The following KCNQ3 variants were observed in gnomAD, a reference collection of about 807,000 sequenced individuals.
KCNQ3 encodes the protein potassium voltage-gated channel subfamily KQT member 3.
KCNQ3 carries 30 observed loss-of-function variants against 92.5 expected under a neutral mutation model. The observed-to-expected ratio is 0.32, with a 90% confidence interval of 0.24 to 0.44. The LOEUF (loss-of-function observed/expected upper bound fraction) is 0.44, where lower values mean the gene tolerates loss of function less well. Among genes scored for constraint, KCNQ3 ranks in the 20% least tolerant of loss-of-function variants. The probability of loss-of-function intolerance (pLI) is 1.00; values close to 1 mark genes in which losing one functional copy is unlikely to be tolerated. For missense variants in KCNQ3, 913 were observed against 1,140.3 expected (o/e 0.80, Z 2.87); for synonymous variants, 450 against 468.8 (o/e 0.96, Z 0.52).
chr8:132,128,033 G>GCAT lies in KCNQ3; in HGVS notation c.*1226_*1228dup, dbSNP rs1452155654. 3.3e-5 allele frequency: 5 copies of GCAT among 152,292 alleles called. No homozygotes were observed. The highest frequency in any genetic ancestry group is 4.8e-5 in the African/African-American group (2 of 41,562). 9.4% of individuals were successfully genotyped at this position (152,292 alleles called of 1,614,324 possible). ...TTTTTTTCTAGATCTGAAATGCATT[G>GCAT]CATCAAGCAAGCATGTTTTGCAATA... On this transcript the variant is annotated 3_prime_UTR_variant, in exon 15 of 15. Coordinates refer to ENST00000388996, the MANE Select transcript of KCNQ3 (RefSeq NM_004519.4).
intron 1 of KCNQ3, among the ~76,000 whole-genome samples, chr8:132,339,426 C>G (rs1160217059): frequency 1.3e-5 from 2 of 152,150 alleles, no homozygotes; most frequent in African/African-American, 4.8e-5. Context: ...GAATGCTTTG[C>G]TCTTTACCAC....
chr8:132,307,340 A>G (rs986717328), intron 1 of KCNQ3, among the ~76,000 whole-genome samples: 6 of 152,190 alleles, frequency 3.9e-5, no homozygotes, highest in African/African-American at 1.4e-4. Context: ...TTTGCACTAC[A>G]TACGCCCCTT....
chr8:132,134,494 TAA>T, intron 12 of KCNQ3, 106 bp from the exon 13 acceptor site: 2 of 831,118 alleles, frequency 2.4e-6, no homozygotes, highest in South Asian at 2.9e-5. Context: ...TTGGAATATA[TAA>T]GAGGAGAGGA....
chr8:132,422,379 A>G (rs73708461), intron 1 of KCNQ3, among the ~76,000 whole-genome samples: 2 of 152,050 alleles, frequency 1.3e-5, no homozygotes, highest in African/African-American at 4.8e-5. Flanking sequence ...CTGGTTCCCC[A>G]CTAAGACTCA....
intron 1 of KCNQ3, among the ~76,000 whole-genome samples, chr8:132,306,777 T>C (rs1377353819): frequency 6.6e-6 from 1 of 152,230 alleles, no homozygotes; most frequent in African/African-American, 2.4e-5. Context: ...TCCTTAATTA[T>C]GCAAACACAC....
At chr8:132,321,229 A>G (rs1817884446) in intron 1 of KCNQ3, among the ~76,000 whole-genome samples, 1 of 152,126 alleles carries the variant, frequency 6.6e-6, no homozygotes, top group Admixed American at 6.5e-5. Context: ...TTGTTTCCCA[A>G]ACCAATCCCT....
chr8:132,413,450 A>T (rs1820708890), intron 1 of KCNQ3, among the ~76,000 whole-genome samples: 1 of 152,186 alleles, frequency 6.6e-6, no homozygotes, highest in African/African-American at 2.4e-5. Context: ...GTCAGCAGTT[A>T]ATTATTAATT....
At chr8:132,238,144 C>A (rs1814874850) in intron 1 of KCNQ3, among the ~76,000 whole-genome samples, 1 of 152,156 alleles carries the variant, frequency 6.6e-6, no homozygotes, top group Admixed American at 6.5e-5. Flanking sequence ...AAGCACATTC[C>A]TTTCCCTTTC....
Position 132,126,940 on chromosome 8 carries a change from G to C in KCNQ3, c.*2322C>G, listed in dbSNP as rs1824689571. The stretch of plus-strand genomic sequence containing the variant: ...TTAAAAAATTAATTGGCGCATATGT[G>C]GAGAGTATGACTCACTCTCCTTTAT... On this transcript the variant is annotated 3_prime_UTR_variant, in exon 15 of 15. Coordinates refer to ENST00000388996, the MANE Select transcript of KCNQ3 (RefSeq NM_004519.4). 1 of 152,126 alleles carries C rather than the reference G, an allele frequency of 6.6e-6. No individual in the cohort carries two copies. The highest frequency in any genetic ancestry group is 2.4e-5 in the African/African-American group (1 of 41,420). 9.4% of individuals were successfully genotyped at this position (152,126 alleles called of 1,614,324 possible).
chr8:132,189,482 G>A (rs62519616), intron 1 of KCNQ3, among the ~76,000 whole-genome samples: 10,717 of 152,252 alleles, frequency 0.07, 537 homozygotes, highest in African/African-American at 0.13. Context: ...GATTGAGGTA[G>A]AAGTTGCAAC....
intron 1 of KCNQ3, among the ~76,000 whole-genome samples, chr8:132,245,114 G>C (rs901614229): frequency 5.9e-5 from 9 of 152,068 alleles, no homozygotes; most frequent in Non-Finnish European, 1.0e-4. Context: ...CATAGCAAAA[G>C]CCTTGGGAAA....
intron 1 of KCNQ3, among the ~76,000 whole-genome samples, chr8:132,452,040 G>A (rs533573504): frequency 6.6e-5 from 10 of 152,304 alleles, no homozygotes; most frequent in South Asian, 4.1e-4. Flanking sequence ...TTCTCACACC[G>A]CAGCCAAGGG....
chr8:132,134,971 C>A (rs1563765270), intron 12 of KCNQ3, among the ~76,000 whole-genome samples: 2 of 152,108 alleles, frequency 1.3e-5, no homozygotes, highest in Non-Finnish European at 2.9e-5. Flanking sequence ...CTGCATGAGG[C>A]ACCAGCTCCT....
chr8:132,274,031 C>G (rs13249851), intron 1 of KCNQ3, among the ~76,000 whole-genome samples: 2 of 151,980 alleles, frequency 1.3e-5, no homozygotes, highest in African/African-American at 4.8e-5. Context: ...CCAAACTCTT[C>G]CTGTTACCCA....
chr8:132,344,572 T>G (rs1457503925), intron 1 of KCNQ3, among the ~76,000 whole-genome samples: 1 of 152,192 alleles, frequency 6.6e-6, no homozygotes, highest in Non-Finnish European at 1.5e-5. Context: ...AACTGAGGCC[T>G]GGAGGAGTAA....
At chr8:132,404,369 CAT>C (rs1254214817) in intron 1 of KCNQ3, among the ~76,000 whole-genome samples, 1 of 152,176 alleles carries the variant, frequency 6.6e-6, no homozygotes, top group East Asian at 1.9e-4. Flanking sequence ...CTTAATCAAA[CAT>C]TAAGTATTTC....
At chr8:132,337,281 A>C (rs1196381955) in intron 1 of KCNQ3, among the ~76,000 whole-genome samples, 1 of 152,108 alleles carries the variant, frequency 6.6e-6, no homozygotes, top group Non-Finnish European at 1.5e-5. Flanking sequence ...TTGAGCCCAG[A>C]AGTTTGAGAC....
chr8:132,141,034 A>T, intron 10 of KCNQ3, 95 bp downstream of exon 10: 1 of 1,149,784 alleles, frequency 8.7e-7, no homozygotes, highest in Non-Finnish European at 1.3e-6. Flanking sequence ...GTGGAGTCAA[A>T]GGTTCTTAAG....
intron 1 of KCNQ3, among the ~76,000 whole-genome samples, chr8:132,266,480 C>T (rs1815985558): frequency 6.6e-6 from 1 of 152,108 alleles, no homozygotes; most frequent in South Asian, 2.1e-4. Context: ...CTCATCACAG[C>T]CTGTTTTTTA....
Sources: gnomAD v4.1 joint callset for allele counts (sites outside exome capture counted in the v4.1 genomes callset) on GRCh38, gnomAD v4.1.1 for gene constraint, MANE v1.5 for transcripts, NCBI Gene and HGNC (gene_info 2026-07-23, HGNC 2026-07-21) for gene names.